The following DAB2IP variants were observed in gnomAD, a reference collection of about 807,000 sequenced individuals.
DAB2IP encodes DAB2 interacting protein.
DAB2IP carries 28 observed loss-of-function variants against 107.2 expected under a neutral mutation model. The ratio of observed to expected loss-of-function variants is 0.26; its 90% CI spans 0.19 to 0.36. The LOEUF (loss-of-function observed/expected upper bound fraction) is 0.36. Ranked by LOEUF, DAB2IP falls within the 10% of genes least tolerant of loss-of-function variation. The pLI is 1.00. For missense variants in DAB2IP, 1,400 were observed against 1,644.7 expected (o/e 0.85, Z 2.57); for synonymous variants, 755 against 706.4 (o/e 1.07, Z -1.09).
At chr9:121,609,525 A>T (rs889168698) in intron 1 of DAB2IP, among the ~76,000 whole-genome samples, 19 of 152,152 alleles carry the variant, frequency 1.2e-4, no homozygotes, top group African/African-American at 4.3e-4. Flanking sequence ...TTCCAGCAAC[A>T]CTGACCTTTT....
intron 1 of DAB2IP, among the ~76,000 whole-genome samples, chr9:121,627,661 T>TG (rs947932416): frequency 6.6e-6 from 1 of 152,116 alleles, no homozygotes; most frequent in Admixed American, 6.5e-5. Flanking sequence ...GGGGCAGAGT[T>TG]GGGGTGGGCC....
chr9:121,567,122 C>T, exon 1 of DAB2IP: 3 of 1,601,316 alleles, frequency 1.9e-6, no homozygotes, highest in South Asian at 2.2e-5. Context: ...AGGAGGAACC[C>T]AGACGCTCAT....
intron 3 of DAB2IP, among the ~76,000 whole-genome samples, chr9:121,718,892 C>T (rs528809762): frequency 2.6e-5 from 4 of 152,218 alleles, no homozygotes; most frequent in African/African-American, 9.6e-5. Context: ...TCTGCTCCCC[C>T]TCCCCCAGTC....
At chr9:121,686,566 A>G (rs2118662517) in intron 2 of DAB2IP, among the ~76,000 whole-genome samples, 1 of 152,102 alleles carries the variant, frequency 6.6e-6, no homozygotes, top group African/African-American at 2.4e-5. Context: ...CTTCACACCC[A>G]CTCAGGGTCT....
At chr9:121,747,148 G>A (rs1231111309) in intron 3 of DAB2IP, among the ~76,000 whole-genome samples, 1 of 152,078 alleles carries the variant, frequency 6.6e-6, no homozygotes, top group Non-Finnish European at 1.5e-5. Flanking sequence ...TCTTTTCCTG[G>A]GGCTGGGGGT....
At chr9:121,732,409 C>T (rs1292487176) in intron 3 of DAB2IP, among the ~76,000 whole-genome samples, 1 of 152,162 alleles carries the variant, frequency 6.6e-6, no homozygotes, top group Non-Finnish European at 1.5e-5. Flanking sequence ...AAGTCATCAC[C>T]ATAAGACACT....
intron 2 of DAB2IP, among the ~76,000 whole-genome samples, chr9:121,691,363 G>A (rs1489428100): frequency 6.6e-6 from 1 of 152,114 alleles, no homozygotes; most frequent in African/African-American, 2.4e-5. Context: ...GGAGGTACCT[G>A]AAGGGTGTGG....
At chr9:121,755,292 A>G (rs542190043) in intron 3 of DAB2IP, among the ~76,000 whole-genome samples, 2 of 152,146 alleles carry the variant, frequency 1.3e-5, no homozygotes, top group South Asian at 4.2e-4. Flanking sequence ...TGTGAACTGG[A>G]CCTCCCAGGG....
chr9:121,783,080 G>T, exon 16 of DAB2IP: 1 of 1,038,178 alleles, frequency 9.6e-7, no homozygotes, highest in Non-Finnish European at 1.2e-6. Context: ...GCCACTGCAT[G>T]CAGCCTGTTG....
chr9:121,742,006 A>G (rs1023825544), intron 3 of DAB2IP, among the ~76,000 whole-genome samples: 1 of 152,076 alleles, frequency 6.6e-6, no homozygotes, highest in Non-Finnish European at 1.5e-5. Flanking sequence ...ATCAGGCTAC[A>G]CATTCTGAAA....
chr9:121,772,224 C>A lies in DAB2IP; in HGVS notation c.2079-383C>A, dbSNP rs1834812194. ...ACCCAGTGACTCTGAAGTTGGGGTT[C>A]TCAATGCAGGATCCGTGGATAGCAG... On this transcript the variant is annotated intron_variant, in intron 11 of 15. Transcript: ENST00000408936. This position sits in a 1 kb window ranked among gnomAD's most constrained non-coding sequence, Gnocchi z 4.7. Among the ~76,000 whole-genome samples the A allele has an allele frequency of 6.6e-6, 1 of 152,180 alleles. No individual in the cohort carries two copies. The highest frequency in any genetic ancestry group is 2.4e-5 in the African/African-American group (1 of 41,454).
At chr9:121,773,744 GT>G (rs1164492155) in intron 12 of DAB2IP, among the ~76,000 whole-genome samples, 2 of 152,196 alleles carry the variant, frequency 1.3e-5, no homozygotes, top group African/African-American at 4.8e-5. Context: ...GCAGGCTGGG[GT>G]CAGAGAGAAA....
rs907876449 is a variant in DAB2IP at position 121,752,022 on chromosome 9, A to C, written c.363-4991A>C. On this transcript the variant is annotated intron_variant, in intron 3 of 15. Transcript: ENST00000408936. ...GTCCCTGGAGCGCTGTCATGGGGCT[A>C]GTGATCTGCCATGTTTAGAAGGGTC... 14 of 985,402 alleles carry C rather than the reference A, an allele frequency of 1.4e-5. No homozygotes were observed. The East Asian group carries it at 9.1e-4, about 64-fold the overall frequency. 61.0% of individuals were successfully genotyped at this position (985,402 alleles called of 1,614,324 possible). A position where few individuals can be genotyped will look rare whatever the true frequency, so the allele number is the denominator to read the frequency against.
chr9:121,639,775 G>A (rs1170102436), intron 1 of DAB2IP, among the ~76,000 whole-genome samples: 2 of 152,204 alleles, frequency 1.3e-5, no homozygotes, highest in African/African-American at 4.8e-5. Flanking sequence ...TTTATTGGGG[G>A]CTGTGGTCTC....
chr9:121,749,623 C>T (rs1389872233), intron 3 of DAB2IP, among the ~76,000 whole-genome samples: 1 of 152,160 alleles, frequency 6.6e-6, no homozygotes, highest in Non-Finnish European at 1.5e-5. Flanking sequence ...CTTGGGAGTC[C>T]CAGGCAGAGG....
chr9:121,721,235 C>T (rs1004698492), intron 3 of DAB2IP, among the ~76,000 whole-genome samples: 1 of 152,194 alleles, frequency 6.6e-6, no homozygotes, highest in Admixed American at 6.5e-5. Flanking sequence ...AGGCTCACCC[C>T]AGTGTCTTGC....
At chr9:121,763,098 G>A (rs969181425) in intron 6 of DAB2IP, among the ~76,000 whole-genome samples, 4 of 152,260 alleles carry the variant, frequency 2.6e-5, no homozygotes, top group Non-Finnish European at 4.4e-5. Flanking sequence ...CCATGAGACA[G>A]GGCAGCCTCA....
At chr9:121,607,470 T>G (rs886142120) in intron 1 of DAB2IP, among the ~76,000 whole-genome samples, 1 of 152,002 alleles carries the variant, frequency 6.6e-6, no homozygotes, top group Non-Finnish European at 1.5e-5. Flanking sequence ...GCCCAGCTAA[T>G]TTTTTTATTT....
intron 3 of DAB2IP, among the ~76,000 whole-genome samples, chr9:121,756,444 G>A (rs1312678228): frequency 1.3e-5 from 2 of 152,216 alleles, no homozygotes; most frequent in Non-Finnish European, 2.9e-5. Flanking sequence ...CTTCTGCTTC[G>A]AGACTCGCCT....
Sources: gnomAD v4.1 joint callset for allele counts (sites outside exome capture counted in the v4.1 genomes callset) on GRCh38, gnomAD v4.1.1 for gene constraint, Gnocchi (gnomAD v3.1) non-coding constraint, MANE v1.5 for transcripts, NCBI Gene and HGNC (gene_info 2026-07-23, HGNC 2026-07-21) for gene names.